Variants in ENAH observed in about 807,000 individuals in gnomAD.
ENAH encodes ENAH actin regulator.
Under a neutral mutation model 78.7 loss-of-function variants are expected in ENAH, and 23 were observed. The ratio of observed to expected loss-of-function variants is 0.29; its 90% CI spans 0.21 to 0.41. The LOEUF is 0.41. ENAH is among the 10% of genes least tolerant of loss of function. The pLI is 1.00. For synonymous variants in ENAH, 226 were observed against 241.0 expected (o/e 0.94, Z 0.58); for missense variants, 544 against 691.0 (o/e 0.79, Z 2.39).
chr1:225,611,087 G>A (rs1031569762), intron 1 of ENAH, among the ~76,000 whole-genome samples: 8 of 152,188 alleles, frequency 5.3e-5, no homozygotes, highest in African/African-American at 1.9e-4. Flanking sequence ...GAAAGACTGT[G>A]ACTAGAAGAG....
rs565567062 is a variant in ENAH at position 225,597,655 on chromosome 1, CAAAAAAAAAA to C, written c.6-30251_6-30242del. Among the ~76,000 whole-genome samples, 450 of 61,186 alleles carry C rather than the reference CAAAAAAAAAA, an allele frequency of 7.4e-3. 1 individual carries two copies. Among genetic ancestry groups the C allele is most frequent in the Admixed American group, 0.013 (67 of 5,146 alleles). The allele number at this position is 61,186 out of a possible 152,430, so 40.1% of individuals were successfully genotyped here. On this transcript the variant is annotated intron_variant, in intron 1 of 13. Transcript: ENST00000366843. ...CCTGGGCGACAGTGCAAGAGCATCTCAAAAAAAAAAAAAAAAAAAAAGACGCTAAAGAGAT... is the reference window on the plus strand; with the variant it reads ...CCTGGGCGACAGTGCAAGAGCATCTCAAAAAAAAAAAGACGCTAAAGAGAT...
intron 1 of ENAH, among the ~76,000 whole-genome samples, chr1:225,617,814 A>G (rs1264703958): frequency 6.6e-6 from 1 of 152,330 alleles, no homozygotes; most frequent in South Asian, 2.1e-4. Context: ...AAACCATCAG[A>G]AAGCACCTTA....
At chr1:225,585,944 C>T (rs1175000128) in intron 1 of ENAH, among the ~76,000 whole-genome samples, 1 of 151,870 alleles carries the variant, frequency 6.6e-6, no homozygotes, top group Non-Finnish European at 1.5e-5. Context: ...ATGGGCATGG[C>T]GGCTCACGCC....
intron 1 of ENAH, among the ~76,000 whole-genome samples, chr1:225,609,624 G>C (rs963827833): frequency 3.4e-5 from 5 of 149,040 alleles, no homozygotes; most frequent in African/African-American, 4.9e-5. Flanking sequence ...TTCCTCTTGA[G>C]AGCTGGATTC....
chr1:225,528,696 G>A (rs142872148), intron 4 of ENAH, among the ~76,000 whole-genome samples: 2 of 152,298 alleles, frequency 1.3e-5, no homozygotes, highest in African/African-American at 2.4e-5. Flanking sequence ...CCGGAAGACA[G>A]AAAGGGTAGG....
At position 225,519,407 on chromosome 1, in the gene ENAH, C is replaced by T. The variant is rs935322209; in HGVS notation, c.593G>A (p.Arg198Gln). The T allele has an allele frequency of 5.6e-6, 9 of 1,607,990 alleles. No individual in the cohort carries two copies. The highest frequency in any genetic ancestry group is 2.3e-5 in the East Asian group (1 of 43,764). ...CCGCTCCAGGCGTTCCTGCCGTTCC[C>T]GTTCTTGTCTCTCTCTCTCCAGCTG... is the stretch of plus-strand genomic sequence containing the variant. ...QEQLERERQE[R>Q]ERQERLERQE... The change falls in exon 5 of 14, where the codon CGG (arginine) becomes CAG (glutamine). Residue 198 changes from arginine to glutamine, a missense_variant. Arg to Gln is a conservative substitution (Grantham distance 43, BLOSUM62 1). This residue lies in a region of ENAH where 366 missense variants were observed against 396.1 expected (regional missense o/e 0.92). Transcript: ENST00000366843.
At chr1:225,577,177 A>C (rs776600355) in intron 1 of ENAH, among the ~76,000 whole-genome samples, 5 of 152,220 alleles carry the variant, frequency 3.3e-5, no homozygotes, top group Non-Finnish European at 7.3e-5. Flanking sequence ...ATGAAAAATA[A>C]ATATTTAAAG....
At chr1:225,576,154 G>A (rs1265829393) in intron 1 of ENAH, among the ~76,000 whole-genome samples, 1 of 151,848 alleles carries the variant, frequency 6.6e-6, no homozygotes, top group Non-Finnish European at 1.5e-5. Context: ...GCACATGCCT[G>A]TAGTCTTAAG....
intron 12 of ENAH, among the ~76,000 whole-genome samples, chr1:225,500,500 T>C (rs1432144241): frequency 6.6e-6 from 1 of 152,200 alleles, no homozygotes; most frequent in African/African-American, 2.4e-5. Context: ...TATACTTCCA[T>C]AATATTTTCT....
chr1:225,638,457 C>T (rs1660448836), intron 1 of ENAH, among the ~76,000 whole-genome samples: 1 of 152,198 alleles, frequency 6.6e-6, no homozygotes, highest in Non-Finnish European at 1.5e-5. Flanking sequence ...CTATGCTCTG[C>T]CAGCTCTTGA....
chr1:225,564,003 A>T (rs2096721872), intron 2 of ENAH, among the ~76,000 whole-genome samples: 2 of 152,194 alleles, frequency 1.3e-5, no homozygotes. Flanking sequence ...ACTTACTGGC[A>T]TAAAGTTTTT....
chr1:225,532,068 A>C (rs755770029), intron 3 of ENAH, among the ~76,000 whole-genome samples: 3 of 152,106 alleles, frequency 2.0e-5, no homozygotes, highest in Non-Finnish European at 4.4e-5. Context: ...TTAAATACAC[A>C]CGTAAATGTT....
At chr1:225,561,765 G>T (rs1177343315) in intron 2 of ENAH, among the ~76,000 whole-genome samples, 1 of 152,118 alleles carries the variant, frequency 6.6e-6, no homozygotes, top group Non-Finnish European at 1.5e-5. Flanking sequence ...CAGTGAGCTT[G>T]AGTCTAGACT....
intron 1 of ENAH, among the ~76,000 whole-genome samples, chr1:225,580,743 C>T (rs896934564): frequency 6.6e-6 from 1 of 151,824 alleles, no homozygotes; most frequent in African/African-American, 2.4e-5. Flanking sequence ...CATGGTGAAA[C>T]CCTGTCTCTA....
At chr1:225,583,771 G>C (rs1558856814) in intron 1 of ENAH, among the ~76,000 whole-genome samples, 1 of 149,428 alleles carries the variant, frequency 6.7e-6, no homozygotes, top group East Asian at 2.0e-4. Flanking sequence ...TTGCACCACT[G>C]CACTCCAGCC....
chr1:225,586,239 C>CT (rs2096845625), intron 1 of ENAH, among the ~76,000 whole-genome samples: 1 of 29,738 alleles, frequency 3.4e-5, no homozygotes, highest in Non-Finnish European at 6.5e-5. Flanking sequence ...GGGAGACAAG[C>CT]TCAAAAAAAA....
chr1:225,500,890 T>G, intron 12 of ENAH, 102 bp downstream of exon 12: 1 of 1,074,124 alleles, frequency 9.3e-7, no homozygotes, highest in South Asian at 1.5e-5. Context: ...AGCTCTATCG[T>G]CTTTCTAAGT....
At chr1:225,616,295 CCTCCGAGAAACA>C (rs2097032539) in intron 1 of ENAH, among the ~76,000 whole-genome samples, 1 of 151,184 alleles carries the variant, frequency 6.6e-6, no homozygotes, top group Non-Finnish European at 1.5e-5. Context: ...CCAAATCCCC[CCTCCGAGAAACA>C]CCCAAGAATG....
At chr1:225,578,809 TAATA>T (rs942870757) in intron 1 of ENAH, among the ~76,000 whole-genome samples, 2 of 152,168 alleles carry the variant, frequency 1.3e-5, no homozygotes, top group African/African-American at 4.8e-5. Flanking sequence ...AATTACTATC[TAATA>T]GAGACTAACA....
Sources: gnomAD v4.1 joint callset for allele counts (sites outside exome capture counted in the v4.1 genomes callset) on GRCh38, gnomAD v4.1.1 for gene constraint, gnomAD v4.1.1 regional missense constraint, MANE v1.5 for transcripts, NCBI Gene and HGNC (gene_info 2026-07-23, HGNC 2026-07-21) for gene names.